PACS1: variants seen among roughly 807,000 people sequenced by gnomAD.
PACS1 encodes PACS-1.
A neutral mutation model predicts 115.0 loss-of-function variants in PACS1; 24 were observed. The observed-to-expected ratio is 0.21, with a 90% confidence interval of 0.15 to 0.29. The LOEUF is 0.29. Among genes scored for constraint, PACS1 ranks in the 10% least tolerant of loss-of-function variants. PACS1 has a pLI of 1.00. For synonymous variants in PACS1, 453 were observed against 504.5 expected, an observed-to-expected ratio of 0.90 and a Z score of 1.37; for missense variants, 838 against 1,251.2, an observed-to-expected ratio of 0.67 and a Z score of 4.98.
chr11:66,211,338 C>T (rs1855066023), intron 4 of PACS1, 79 bp downstream of exon 4: 1 of 1,475,696 alleles, frequency 6.8e-7, no homozygotes, highest in Non-Finnish European at 9.2e-7. Flanking sequence ...CCAGTTGAGC[C>T]TTCCAGATGA....
Position 66,070,953 on chromosome 11 carries a change from C to T in PACS1, c.356+111C>T, listed in dbSNP as rs1857298651. 8.9e-7 allele frequency: 1 copy of T among 1,121,970 alleles called. No individual in the cohort carries two copies. The highest frequency in any genetic ancestry group is 1.2e-6 in the Non-Finnish European group (1 of 858,172). The allele number at this position is 1,121,970 out of a possible 1,614,324, so 69.5% of individuals were successfully genotyped here. Reference sequence around the variant, plus strand: ...CCCCGCCCTCCATCTCCCCGACTGTCCCGCGGCCCGGCCTGGCTCCAGCCA... The same window carrying T: ...CCCCGCCCTCCATCTCCCCGACTGTTCCGCGGCCCGGCCTGGCTCCAGCCA... On this transcript the variant is annotated intron_variant, in intron 1 of 23. Transcript: ENST00000320580. This position sits in a 1 kb window ranked among gnomAD's most constrained non-coding sequence, Gnocchi z 5.9.
At chr11:66,085,251 A>G (rs1050413028) in intron 1 of PACS1, among the ~76,000 whole-genome samples, 3 of 152,048 alleles carry the variant, frequency 2.0e-5, no homozygotes, top group Non-Finnish European at 4.4e-5. Flanking sequence ...GCCTGTCTGC[A>G]CTTCCTAGGA....
chr11:66,087,903 GT>G (rs561346699), intron 1 of PACS1, among the ~76,000 whole-genome samples: 4 of 150,024 alleles, frequency 2.7e-5, no homozygotes, highest in African/African-American at 7.3e-5. Context: ...TTGTTTTTTG[GT>G]TTTTTTTTGC....
intron 1 of PACS1, among the ~76,000 whole-genome samples, chr11:66,179,587 T>TA (rs1282228689): frequency 6.6e-5 from 10 of 152,224 alleles, no homozygotes; most frequent in African/African-American, 2.4e-4. Flanking sequence ...ATACCCATTC[T>TA]AATCAGAGGA....
chr11:66,180,339 T>A (rs1391177025), intron 1 of PACS1, among the ~76,000 whole-genome samples: 1 of 151,788 alleles, frequency 6.6e-6, no homozygotes, highest in Admixed American at 6.6e-5. Context: ...TTGTATTGTC[T>A]CTTTCTTTCA....
At chr11:66,095,996 G>A (rs892838411) in intron 1 of PACS1, among the ~76,000 whole-genome samples, 2 of 151,238 alleles carry the variant, frequency 1.3e-5, no homozygotes, top group Non-Finnish European at 2.9e-5. Context: ...ATGCAATGGC[G>A]TGATCTGAGT....
chr11:66,112,413 C>T (rs1858210616), intron 1 of PACS1, among the ~76,000 whole-genome samples: 1 of 152,236 alleles, frequency 6.6e-6, no homozygotes, highest in South Asian at 2.1e-4. Flanking sequence ...ACATGGCTGT[C>T]CCGTTGGTGT....
chr11:66,084,135 G>T, intron 1 of PACS1: 1 of 152,444 alleles, frequency 6.6e-6, no homozygotes. Flanking sequence ...AAAGCTGGAT[G>T]GGGATAAGTG....
At chr11:66,113,878 C>A (rs1277580949) in intron 1 of PACS1, among the ~76,000 whole-genome samples, 1 of 152,106 alleles carries the variant, frequency 6.6e-6, no homozygotes, top group Non-Finnish European at 1.5e-5. Flanking sequence ...CATTATTTTG[C>A]AAGTGATATA....
At position 66,128,652 on chromosome 11, in the gene PACS1, G is replaced by A. The variant is rs1431399000; in HGVS notation, c.356+57810G>A. Among the ~76,000 whole-genome samples, 5 of 152,270 alleles carry A rather than the reference G, an allele frequency of 3.3e-5. No homozygotes were observed. In the South Asian group the frequency reaches 8.3e-4, roughly 25 times the overall value. ...TAATCCCAGCACTTTGGGAGGCTGA[G>A]GAGGGTGGATCACCTGAGGTTAGGA... is the stretch of plus-strand genomic sequence containing the variant. On this transcript the variant is annotated intron_variant, in intron 1 of 23. Coordinates refer to ENST00000320580, the MANE Select transcript of PACS1 (RefSeq NM_018026.4).
intron 2 of PACS1, among the ~76,000 whole-genome samples, chr11:66,199,070 C>T (rs1355743744): frequency 2.0e-5 from 3 of 152,082 alleles, no homozygotes; most frequent in African/African-American, 7.2e-5. Flanking sequence ...AATCCCAGGA[C>T]TTTGGGAGGC....
rs181722576 is a variant in PACS1, at chr11:66,173,483, G to A, written c.357-20003G>A. 9.3e-4 allele frequency among the ~76,000 whole-genome samples: 140 copies of A among 151,110 alleles called. 3 individuals are homozygous for A. In the South Asian group the frequency reaches 0.021, roughly 23 times the overall value. On this transcript the variant is annotated intron_variant, in intron 1 of 23. Transcript: ENST00000320580. Reference sequence around the variant, plus strand: ...AGCACTTTGGGAGGCCGAGGCAAGCGGATCACTTGAGCTCAGGAGTTCGAA... The same window carrying A: ...AGCACTTTGGGAGGCCGAGGCAAGCAGATCACTTGAGCTCAGGAGTTCGAA...
intron 1 of PACS1, among the ~76,000 whole-genome samples, chr11:66,120,534 TG>T: frequency 6.6e-6 from 1 of 152,338 alleles, no homozygotes; most frequent in Non-Finnish European, 1.5e-5. Flanking sequence ...TTGAATTACA[TG>T]CAATTATATG....
intron 1 of PACS1, among the ~76,000 whole-genome samples, chr11:66,191,618 A>G (rs532569259): frequency 6.6e-5 from 10 of 152,370 alleles, no homozygotes; most frequent in African/African-American, 2.4e-4. Flanking sequence ...GTAAAATGAT[A>G]TAGATGAAGA....
intron 1 of PACS1, among the ~76,000 whole-genome samples, chr11:66,125,289 G>A (rs528743110): frequency 2.6e-5 from 4 of 152,070 alleles, no homozygotes; most frequent in East Asian, 1.9e-4. Flanking sequence ...AAAAACCTAC[G>A]GAAATAAAAA....
intron 1 of PACS1, among the ~76,000 whole-genome samples, chr11:66,077,472 G>A (rs1857416839): frequency 6.6e-6 from 1 of 152,124 alleles, no homozygotes; most frequent in Admixed American, 6.5e-5. Flanking sequence ...GAGGTGGGAA[G>A]AGCACTTGAG....
At chr11:66,174,810 C>T (rs143611457) in intron 1 of PACS1, among the ~76,000 whole-genome samples, 50 of 152,220 alleles carry the variant, frequency 3.3e-4, no homozygotes, top group African/African-American at 1.2e-3. Context: ...GTGATGGTTG[C>T]ACTATCTAAC....
intron 1 of PACS1, among the ~76,000 whole-genome samples, chr11:66,163,194 A>T (rs2134628563): frequency 6.6e-6 from 1 of 151,904 alleles, no homozygotes; most frequent in South Asian, 2.1e-4. Context: ...ACCAAACAAT[A>T]CGGAAATTAG....
rs1410812527 is a variant in PACS1, at chr11:66,215,946, AT to A, written c.661-172del. On this transcript the variant is annotated intron_variant, in intron 4 of 23. Coordinates refer to ENST00000320580, the MANE Select transcript of PACS1 (RefSeq NM_018026.4). Reference sequence around the variant, plus strand: ...AATAATAATAATAATAATAATAATAATAATAAACAAAGTAAGACCGTGAAGC... The same window carrying A: ...AATAATAATAATAATAATAATAATAAAATAAACAAAGTAAGACCGTGAAGC... Among the ~76,000 whole-genome samples the A allele has an allele frequency of 1.4e-3, 201 of 145,500 alleles. No individual in the cohort carries two copies. In the Middle Eastern group the frequency reaches 0.014, roughly 10 times the overall value.
Sources: gnomAD v4.1 joint callset for allele counts (sites outside exome capture counted in the v4.1 genomes callset) on GRCh38, gnomAD v4.1.1 for gene constraint, Gnocchi (gnomAD v3.1) non-coding constraint, MANE v1.5 for transcripts, NCBI Gene and HGNC (gene_info 2026-07-23, HGNC 2026-07-21) for gene names.